AP4E1: variants seen among roughly 807,000 people sequenced by gnomAD.
The protein encoded by AP4E1 is adaptor related protein complex 4 subunit epsilon 1, also known as AP-4 complex subunit epsilon-1.
Under a neutral mutation model 128.2 loss-of-function variants are expected in AP4E1, and 56 were observed. That is an observed-to-expected ratio of 0.44 (90% confidence interval 0.35 to 0.55). The LOEUF (loss-of-function observed/expected upper bound fraction) is 0.55, where lower values mean the gene tolerates loss of function less well. AP4E1 is among the 20% of genes least tolerant of loss of function. The pLI, the probability that AP4E1 is intolerant of heterozygous loss-of-function variation, is 0.00. For missense variants in AP4E1, 1,324 were observed against 1,307.7 expected (o/e 1.01, Z -0.19); for synonymous variants, 484 against 473.1 (o/e 1.02, Z -0.30).
chr15:50,908,217 C>T (rs567763601), upstream of AP4E1, among the ~76,000 whole-genome samples: 23 of 151,994 alleles, frequency 1.5e-4, no homozygotes, highest in South Asian at 2.9e-3. Context: ...CCCGCTATCA[C>T]GCAACTACTC....
In AP4E1 at chr15:50,949,922, G is replaced by A; in HGVS notation, c.1413G>A (p.Leu471=). 1.2e-6 allele frequency: 2 copies of A among 1,613,050 alleles called. No individual in the cohort carries two copies. The highest frequency in any genetic ancestry group is 1.7e-6 in the Non-Finnish European group (2 of 1,179,160). ...ATCCTGATATTCCCAATAACTTTCT[G>A]AGACTACTAGCGGAAGGTTGGTACA... ...VMHPDIPNNF[L]RLLAEGFDDE... The change falls in exon 12 of 21, where the codon CTG becomes CTA. Residue 471 remains leucine (L), a synonymous_variant. Coordinates refer to ENST00000261842, the MANE Select transcript of AP4E1 (RefSeq NM_007347.5).
chr15:50,956,756 G>A (rs1366277144), intron 13 of AP4E1, among the ~76,000 whole-genome samples: 1 of 152,174 alleles, frequency 6.6e-6, no homozygotes, highest in Admixed American at 6.5e-5. Context: ...AATTCAAGGT[G>A]AGATTTGGGT....
At chr15:50,942,926 G>A (rs959938653) in intron 10 of AP4E1, among the ~76,000 whole-genome samples, 3 of 152,066 alleles carry the variant, frequency 2.0e-5, no homozygotes, top group Non-Finnish European at 2.9e-5. Context: ...GGATACATGT[G>A]TGGGTTTATT....
At chr15:50,997,916 A>C (rs1404940591) in intron 18 of AP4E1, 33 bp downstream of exon 18, 2 of 1,529,850 alleles carry the variant, frequency 1.3e-6, no homozygotes, top group South Asian at 2.3e-5. Flanking sequence ...TTTTATTTTC[A>C]GTGTATATTT....
intron 14 of AP4E1, among the ~76,000 whole-genome samples, chr15:50,964,955 C>CCACCCACACACACACACACACACA (rs1555459130): frequency 3.8e-5 from 5 of 131,368 alleles, no homozygotes; most frequent in African/African-American, 1.5e-4. Context: ...CCTCCCCCTA[C>CCACCCACACACACACACACACACA]CACACACACA....
chr15:50,989,429 C>G (rs911217474), intron 16 of AP4E1, among the ~76,000 whole-genome samples: 2 of 151,062 alleles, frequency 1.3e-5, no homozygotes, highest in Admixed American at 1.3e-4. Context: ...AATAATAGAT[C>G]ATGAGGAATG....
At chr15:50,945,753 A>G (rs1264077170) in intron 10 of AP4E1, 2 of 767,912 alleles carry the variant, frequency 2.6e-6, no homozygotes, top group South Asian at 1.4e-5. Context: ...GTGTGCTTAC[A>G]TCATGAGAAA....
At chr15:50,908,622 G>T, upstream of AP4E1, 1 of 1,019,606 alleles carries the variant, frequency 9.8e-7, no homozygotes, top group Non-Finnish European at 1.3e-6. Flanking sequence ...CCTCTCGCGA[G>T]AACGACGCTG....
At chr15:50,938,421 A>T (rs1161037028) in intron 8 of AP4E1, among the ~76,000 whole-genome samples, 1 of 152,090 alleles carries the variant, frequency 6.6e-6, no homozygotes, top group African/African-American at 2.4e-5. Flanking sequence ...AAAAGCCAAG[A>T]TTTCCATCAT....
At chr15:50,944,065 T>C (rs1488929119) in intron 10 of AP4E1, among the ~76,000 whole-genome samples, 1 of 152,170 alleles carries the variant, frequency 6.6e-6, no homozygotes, top group Non-Finnish European at 1.5e-5. Context: ...TAGGTGACTT[T>C]TAAAATTATG....
rs2063881617 is a variant in AP4E1 at position 50,934,571 on chromosome 15, T to A, written c.870-53T>A. On this transcript the variant is annotated intron_variant, in intron 7 of 20. Coordinates refer to ENST00000261842, the MANE Select transcript of AP4E1 (RefSeq NM_007347.5). The stretch of plus-strand genomic sequence containing the variant: ...TTAAAGAGAAGTTTGAAAAACTGTT[T>A]TATTGGGTTAGAATACTATAATTCT... The A allele has an allele frequency of 2.4e-6, 3 of 1,272,828 alleles. No individual in the cohort carries two copies. The East Asian group carries it at 7.1e-5, about 30-fold the overall frequency. 78.8% of individuals were successfully genotyped at this position (1,272,828 alleles called of 1,614,324 possible). A position where few individuals can be genotyped will look rare whatever the true frequency, so the allele number is the denominator to read the frequency against.
rs778742567 is a variant in AP4E1, at chr15:50,997,893, A to C, written c.2904+10A>C. 6.3e-7 allele frequency: 1 copy of C among 1,583,786 alleles called. No homozygotes were observed. The highest frequency in any genetic ancestry group is 8.6e-7 in the Non-Finnish European group (1 of 1,161,376). On this transcript the variant is annotated intron_variant, in intron 18 of 20. Transcript: ENST00000261842. ...TGCAGAAAATTTCAAGGTAAAATTT[A>C]AAGGTATTATTGTTTTATTTTCAGT...
At chr15:50,964,955 C>CACACACACACACACA (rs148432063) in intron 14 of AP4E1, among the ~76,000 whole-genome samples, 1 of 131,368 alleles carries the variant, frequency 7.6e-6, no homozygotes, top group Non-Finnish European at 1.6e-5. Context: ...CCTCCCCCTA[C>CACACACACACACACA]CACACACACA....
chr15:51,003,571 C>T lies in AP4E1; in HGVS notation c.*909C>T, dbSNP rs1420394545. 4 of 152,552 alleles carry T rather than the reference C, an allele frequency of 2.6e-5. No individual in the cohort carries two copies. The highest frequency in any genetic ancestry group is 4.8e-5 in the African/African-American group (2 of 41,532). 9.4% of individuals were successfully genotyped at this position (152,552 alleles called of 1,614,324 possible). Reference sequence around the variant, plus strand: ...ATCCACTAGTACTTAATGGATATAGCTGAAGCAGAGACTAAGTATAACATA... The same window carrying T: ...ATCCACTAGTACTTAATGGATATAGTTGAAGCAGAGACTAAGTATAACATA... On this transcript the variant is annotated 3_prime_UTR_variant, in exon 21 of 21. Coordinates refer to ENST00000261842, the MANE Select transcript of AP4E1 (RefSeq NM_007347.5).
chr15:50,928,794 G>A (rs768494334), intron 5 of AP4E1, among the ~76,000 whole-genome samples: 1 of 149,844 alleles, frequency 6.7e-6, no homozygotes, highest in Non-Finnish European at 1.5e-5. Context: ...TATAACACGG[G>A]CAGTTAAAGT....
At chr15:50,984,569 G>T (rs1238892834) in intron 16 of AP4E1, among the ~76,000 whole-genome samples, 1 of 149,256 alleles carries the variant, frequency 6.7e-6, no homozygotes, top group Non-Finnish European at 1.5e-5. Context: ...TTGGTTTTTT[G>T]TCCTTGCGAT....
chr15:50,957,137 C>T (rs1040477713), intron 13 of AP4E1, among the ~76,000 whole-genome samples: 1 of 152,174 alleles, frequency 6.6e-6, no homozygotes, highest in African/African-American at 2.4e-5. Flanking sequence ...TATCTGCACT[C>T]ACTCCTGAGC....
rs763948498 is a variant in AP4E1, at chr15:50,941,789, T to C, written c.1176+14T>C. On this transcript the variant is annotated intron_variant, in intron 10 of 20. Coordinates refer to ENST00000261842, the MANE Select transcript of AP4E1 (RefSeq NM_007347.5). ...ATTAAAAGAGAGGTAAACTGGTATT[T>C]TGAATAGTATATGTGAAGTGTTAAA... 2 of 1,584,396 alleles carry C rather than the reference T, an allele frequency of 1.3e-6. No individual in the cohort carries two copies. Among genetic ancestry groups the C allele is most frequent in the Non-Finnish European group, 8.7e-7 (1 of 1,153,684 alleles).
At chr15:50,960,241 A>G (rs2064292823) in intron 14 of AP4E1, among the ~76,000 whole-genome samples, 1 of 152,178 alleles carries the variant, frequency 6.6e-6, no homozygotes. Context: ...ACAAAGAAGC[A>G]TCAAACTTAA....
Sources: allele counts gnomAD v4.1 joint callset (sites outside exome capture counted in the v4.1 genomes callset), GRCh38; gene constraint gnomAD v4.1.1; transcripts MANE v1.5; gene names NCBI Gene and HGNC (gene_info 2026-07-23, HGNC 2026-07-21).